The following HDX variants were observed in gnomAD, a reference collection of about 807,000 sequenced individuals.
HDX encodes chromosome X open reading frame 43.
A neutral mutation model predicts 45.2 loss-of-function variants in HDX; 19 were observed. The ratio of observed to expected loss-of-function variants is 0.42; its 90% CI spans 0.29 to 0.62. The LOEUF (loss-of-function observed/expected upper bound fraction) is 0.62, where lower values mean the gene tolerates loss of function less well. HDX is among the 20% of genes least tolerant of loss of function. The pLI is 0.20. For synonymous variants in HDX, 188 were observed against 172.8 expected, an observed-to-expected ratio of 1.09 and a Z score of -0.69; for missense variants, 532 against 493.9, an observed-to-expected ratio of 1.08 and a Z score of -0.73.
chrX:84,321,797 A>G lies in HDX; in HGVS notation c.*92T>C, dbSNP rs1400702313. On this transcript the variant is annotated 3_prime_UTR_variant, in exon 11 of 11. Coordinates refer to ENST00000373177, the MANE Select transcript of HDX (RefSeq NM_001177479.2). ...GTTTCAACAATGTGTTTTCCCAACT[A>G]AAGAATACCAGGGCAACAGAATGCA... is the stretch of plus-strand genomic sequence containing the variant. The G allele has an allele frequency of 2.7e-6, 2 of 732,166 alleles. No homozygotes were observed. The highest frequency in any genetic ancestry group is 3.9e-6 in the Non-Finnish European group (2 of 514,826). 60.3% of individuals were successfully genotyped at this position (732,166 alleles called of 1,213,427 possible). A position where few individuals can be genotyped will look rare whatever the true frequency, so the allele number is the denominator to read the frequency against.
intron 4 of HDX, among the ~76,000 whole-genome samples, chrX:84,466,312 G>A (rs1160286129): frequency 1.8e-5 from 2 of 111,016 alleles, no homozygotes; most frequent in East Asian, 5.7e-4. Flanking sequence ...TTCATTTCCT[G>A]TCACAAGATT....
chrX:84,491,467 GCTGTTTTTTAATT>G (rs2040892158), intron 1 of HDX, among the ~76,000 whole-genome samples: 1 of 111,700 alleles, frequency 9.0e-6, no homozygotes, highest in Admixed American at 9.5e-5. Context: ...AGAAATAATA[GCTGTTTTTTAATT>G]CTTCTCTACT....
chrX:84,335,238 T>A (rs1303657615), intron 8 of HDX, among the ~76,000 whole-genome samples: 2 of 110,618 alleles, frequency 1.8e-5, no homozygotes, highest in Non-Finnish European at 3.8e-5. Flanking sequence ...CTCTACATAT[T>A]TGGATTGGCT....
In HDX at chrX:84,432,966, A is replaced by AT. The variant is rs1377027250; in HGVS notation, c.1305+7565dup. Among the ~76,000 whole-genome samples the AT allele has an allele frequency of 8.1e-5, 9 of 110,741 alleles. No homozygotes were observed. The East Asian group carries it at 2.3e-3, about 28-fold the overall frequency. ...TATAATGTCAGCATACCTGTTGGCC[A>AT]TTTTTTTGTCTTCTTTGAGAAATAT... On this transcript the variant is annotated intron_variant, in intron 5 of 10. Transcript: ENST00000373177.
intron 5 of HDX, among the ~76,000 whole-genome samples, chrX:84,409,814 T>G (rs1325914978): frequency 9.3e-6 from 1 of 107,056 alleles, no homozygotes; most frequent in Non-Finnish European, 1.9e-5. Flanking sequence ...ATGGCACATG[T>G]ATACATAGGT....
At chrX:84,336,204 T>C (rs1270248641) in intron 8 of HDX, among the ~76,000 whole-genome samples, 2 of 111,304 alleles carry the variant, frequency 1.8e-5, no homozygotes, top group African/African-American at 6.5e-5. Context: ...CACTATATGT[T>C]TACATTTTCA....
At chrX:84,480,290 AGG>A (rs1221779927) in intron 2 of HDX, among the ~76,000 whole-genome samples, 1 of 111,710 alleles carries the variant, frequency 9.0e-6, no homozygotes, top group Non-Finnish European at 1.9e-5. Flanking sequence ...GTCCACAAAC[AGG>A]GACAAGCTTA....
intron 4 of HDX, among the ~76,000 whole-genome samples, chrX:84,448,352 TCAC>T (rs1305741618): frequency 2.7e-5 from 3 of 110,753 alleles, no homozygotes; most frequent in Non-Finnish European, 5.7e-5. Context: ...GGCCCAAGAA[TCAC>T]CACAACTGTA....
chrX:84,443,337 G>A (rs909942159), intron 4 of HDX, among the ~76,000 whole-genome samples: 11 of 111,242 alleles, frequency 9.9e-5, no homozygotes, highest in Non-Finnish European at 1.9e-4. Context: ...GATTAGACGG[G>A]TAATACACAT....
At chrX:84,478,458 G>A (rs2148163369) in intron 2 of HDX, among the ~76,000 whole-genome samples, 1 of 112,031 alleles carries the variant, frequency 8.9e-6, no homozygotes, top group East Asian at 2.8e-4. Flanking sequence ...CCTATATGAT[G>A]TAACACTGTT....
chrX:84,463,646 A>G (rs1236009668), intron 4 of HDX, among the ~76,000 whole-genome samples: 1 of 111,038 alleles, frequency 9.0e-6, no homozygotes, highest in Non-Finnish European at 1.9e-5. Flanking sequence ...GTGCCCCAAT[A>G]TCTTCACAAA....
intron 6 of HDX, among the ~76,000 whole-genome samples, chrX:84,348,502 CTTT>C (rs772254616): frequency 9.0e-6 from 1 of 111,569 alleles, no homozygotes; most frequent in African/African-American, 3.3e-5. Context: ...CAAATTCTTT[CTTT>C]GTTTTGTTGT....
At chrX:84,354,928 C>CATATATATATAT (rs1362016065) in intron 6 of HDX, among the ~76,000 whole-genome samples, 1 of 21,378 alleles carries the variant, frequency 4.7e-5, no homozygotes, top group African/African-American at 1.6e-4. Context: ...TACACACACA[C>CATATATATATAT]ACATATATAT....
chrX:84,326,574 G>A (rs2036714979), intron 9 of HDX, among the ~76,000 whole-genome samples: 1 of 110,855 alleles, frequency 9.0e-6, no homozygotes, highest in South Asian at 3.8e-4. Flanking sequence ...CTCCCTTCTT[G>A]GAAAGACCCC....
chrX:84,408,453 C>A lies in HDX; in HGVS notation c.1305+32079G>T, dbSNP rs1032254119. 2.9e-5 allele frequency among the ~76,000 whole-genome samples: 3 copies of A among 102,529 alleles called. No individual in the cohort carries two copies. In the South Asian group the frequency reaches 1.3e-3, roughly 45 times the overall value. The allele number at this position is 102,529 out of a possible 115,157, so 89.0% of individuals were successfully genotyped here. A position where few individuals can be genotyped will look rare whatever the true frequency, so the allele number is the denominator to read the frequency against. On this transcript the variant is annotated intron_variant, in intron 5 of 10. Coordinates refer to ENST00000373177, the MANE Select transcript of HDX (RefSeq NM_001177479.2). ...AGCATGCTGTTTTTGGTAACTATAG[C>A]CTGGTAGTATATTTTGAAGTTGCAT...
intron 6 of HDX, among the ~76,000 whole-genome samples, chrX:84,354,665 T>C (rs1031391348): frequency 9.1e-6 from 1 of 109,427 alleles, no homozygotes. Context: ...AAGAACACGC[T>C]AGAATATTTA....
chrX:84,459,762 A>T (rs192394306), intron 4 of HDX, among the ~76,000 whole-genome samples: 10 of 111,864 alleles, frequency 8.9e-5, no homozygotes, highest in African/African-American at 3.2e-4. Flanking sequence ...GTTGGTTTTT[A>T]AAAAATATAA....
At chrX:84,477,815 G>A (rs2040587810) in intron 2 of HDX, among the ~76,000 whole-genome samples, 1 of 111,725 alleles carries the variant, frequency 9.0e-6, no homozygotes, top group Non-Finnish European at 1.9e-5. Flanking sequence ...CAAATGGTCG[G>A]TTCCCTGGAA....
chrX:84,430,133 A>G (rs983913386), intron 5 of HDX, among the ~76,000 whole-genome samples: 1 of 110,557 alleles, frequency 9.0e-6, no homozygotes, highest in African/African-American at 3.3e-5. Flanking sequence ...TTTAGCTGTA[A>G]TTTTGTCTCC....
Sources: gnomAD v4.1 joint callset for allele counts (sites outside exome capture counted in the v4.1 genomes callset) on GRCh38, gnomAD v4.1.1 for gene constraint, MANE v1.5 for transcripts, NCBI Gene and HGNC (gene_info 2026-07-23, HGNC 2026-07-21) for gene names.